The following PPFIA2 variants were observed in gnomAD, a reference collection of about 807,000 sequenced individuals.
PPFIA2 encodes the protein liprin-alpha-2.
In PPFIA2, 46 loss-of-function variants were observed where a neutral mutation model predicts 175.5. The ratio of observed to expected loss-of-function variants is 0.26; its 90% confidence interval spans 0.21 to 0.34. The LOEUF is 0.34. Ranked by LOEUF, PPFIA2 falls within the 10% of genes least tolerant of loss-of-function variation. The pLI, the probability that PPFIA2 is intolerant of heterozygous loss-of-function variation, is 1.00. For synonymous variants in PPFIA2, 568 were observed against 511.4 expected, an observed-to-expected ratio of 1.11 and a Z score of -1.49; for missense variants, 1,179 against 1,506.1, an observed-to-expected ratio of 0.78 and a Z score of 3.60.
chr12:81,494,713 T>C (rs1379883644), intron 4 of PPFIA2, among the ~76,000 whole-genome samples: 1 of 151,674 alleles, frequency 6.6e-6, no homozygotes, highest in South Asian at 2.1e-4. Flanking sequence ...AACAACAATA[T>C]ACTGGATTAA....
intron 3 of PPFIA2, among the ~76,000 whole-genome samples, chr12:81,683,322 ATATC>A (rs925860601): frequency 3.8e-4 from 54 of 141,732 alleles, no homozygotes; most frequent in African/African-American, 1.4e-3. Flanking sequence ...TATATCAATA[ATATC>A]TATCACATAA....
chr12:81,737,838 G>A (rs2081816679), intron 3 of PPFIA2, among the ~76,000 whole-genome samples: 1 of 151,822 alleles, frequency 6.6e-6, no homozygotes, highest in African/African-American at 2.4e-5. Context: ...ATAAGGGGAT[G>A]GAAAATATAG....
chr12:81,687,307 C>T (rs745355056), intron 3 of PPFIA2: 1 of 152,130 alleles, frequency 6.6e-6, no homozygotes, highest in Middle Eastern at 3.4e-3. Context: ...AAAAAAGAAA[C>T]CCTGCACTCT....
At chr12:81,754,341 T>C in intron 2 of PPFIA2, 118 bp from the exon 3 acceptor site, 3 of 1,278,504 alleles carry the variant, frequency 2.3e-6, no homozygotes, top group Non-Finnish European at 3.2e-6. Flanking sequence ...CTATTTCCCC[T>C]ACCTGTTGCC....
intron 24 of PPFIA2, among the ~76,000 whole-genome samples, chr12:81,284,719 T>C (rs2042878990): frequency 6.6e-6 from 1 of 152,196 alleles, no homozygotes; most frequent in South Asian, 2.1e-4. Context: ...TGTTGTGTTA[T>C]TATCAAAATT....
chr12:81,753,092 A>G (rs1215300936), intron 3 of PPFIA2, among the ~76,000 whole-genome samples: 2 of 151,730 alleles, frequency 1.3e-5, no homozygotes, highest in Non-Finnish European at 2.9e-5. Context: ...ATGGCACCAC[A>G]CCCAGCTAAT....
intron 5 of PPFIA2, among the ~76,000 whole-genome samples, chr12:81,449,959 G>T (rs974946103): frequency 1.3e-5 from 2 of 151,984 alleles, no homozygotes; most frequent in Non-Finnish European, 2.9e-5. Context: ...TCCCTACAAA[G>T]GACATGGACT....
intron 4 of PPFIA2, among the ~76,000 whole-genome samples, chr12:81,655,496 T>C (rs759322312): frequency 2.4e-4 from 37 of 151,992 alleles, no homozygotes; most frequent in Non-Finnish European, 4.4e-4. Context: ...ATATGTAGTA[T>C]CTCAAAATGA....
At chr12:81,621,923 A>G (rs569069670) in intron 4 of PPFIA2, among the ~76,000 whole-genome samples, 1 of 152,352 alleles carries the variant, frequency 6.6e-6, no homozygotes, top group East Asian at 1.9e-4. Flanking sequence ...AATCCTCAGT[A>G]TATAGACTTA....
At chr12:81,461,851 CCTT>C (rs1300358035) in intron 4 of PPFIA2, among the ~76,000 whole-genome samples, 1 of 151,952 alleles carries the variant, frequency 6.6e-6, no homozygotes, top group East Asian at 1.9e-4. Context: ...CACTAGTTAG[CCTT>C]CTTAATGCTT....
intron 4 of PPFIA2, among the ~76,000 whole-genome samples, chr12:81,608,793 G>A (rs1346450524): frequency 1.3e-5 from 2 of 151,448 alleles, no homozygotes; most frequent in Non-Finnish European, 3.0e-5. Context: ...CAATTTTATT[G>A]TTCTCTAATT....
At chr12:81,495,053 C>A (rs1283066477) in intron 4 of PPFIA2, among the ~76,000 whole-genome samples, 2 of 151,574 alleles carry the variant, frequency 1.3e-5, no homozygotes, top group African/African-American at 2.4e-5. Flanking sequence ...TGTAACTAAC[C>A]TGCACATTGT....
At chr12:81,290,734 G>A (rs1431024533) in intron 24 of PPFIA2, among the ~76,000 whole-genome samples, 2 of 151,700 alleles carry the variant, frequency 1.3e-5, no homozygotes, top group African/African-American at 4.8e-5. Flanking sequence ...AGAAAAAATA[G>A]CAACACAACA....
rs2043263001 is a variant in PPFIA2 at position 81,408,189 on chromosome 12, CAAG to C, written c.646-2289_646-2287del. 3.3e-5 allele frequency among the ~76,000 whole-genome samples: 5 copies of C among 152,078 alleles called. 1 individual carries two copies. In the South Asian group the frequency reaches 1.0e-3, roughly 32 times the overall value. On this transcript the variant is annotated intron_variant, in intron 7 of 32. Transcript: ENST00000549396. ...GAAATAGATTACATCAAAGGAATGACAAGAAGAATAAAATAGCTCCTAGATATA... is the reference window on the plus strand; with the variant it reads ...GAAATAGATTACATCAAAGGAATGACAAGAATAAAATAGCTCCTAGATATA...
At chr12:81,447,547 C>T (rs916578557) in intron 5 of PPFIA2, among the ~76,000 whole-genome samples, 1 of 152,198 alleles carries the variant, frequency 6.6e-6, no homozygotes, top group African/African-American at 2.4e-5. Context: ...TCACTACTGT[C>T]TAAAGTAAGT....
intron 4 of PPFIA2, among the ~76,000 whole-genome samples, chr12:81,586,931 T>G (rs1422773123): frequency 6.6e-6 from 1 of 151,986 alleles, no homozygotes; most frequent in Non-Finnish European, 1.5e-5. Context: ...AATCTTGAGT[T>G]CCATCTTTAC....
chr12:81,614,876 G>A (rs1232236598), intron 4 of PPFIA2, among the ~76,000 whole-genome samples: 1 of 152,070 alleles, frequency 6.6e-6, no homozygotes, highest in Non-Finnish European at 1.5e-5. Flanking sequence ...TGCATAAGGA[G>A]TCTTAGATAA....
At chr12:81,604,760 T>A (rs1473543302) in intron 4 of PPFIA2, among the ~76,000 whole-genome samples, 12 of 151,848 alleles carry the variant, frequency 7.9e-5, no homozygotes, top group Admixed American at 6.6e-4. Flanking sequence ...TTAAGATGTA[T>A]CTTTTCCAAG....
At chr12:81,483,231 A>G (rs1234465105) in intron 4 of PPFIA2, among the ~76,000 whole-genome samples, 1 of 152,178 alleles carries the variant, frequency 6.6e-6, no homozygotes, top group Non-Finnish European at 1.5e-5. Context: ...ATGAAAACAC[A>G]TGTCTATAAA....
Sources: gnomAD v4.1 joint callset for allele counts (sites outside exome capture counted in the v4.1 genomes callset) on GRCh38, gnomAD v4.1.1 for gene constraint, MANE v1.5 for transcripts, NCBI Gene and HGNC (gene_info 2026-07-23, HGNC 2026-07-21) for gene names.